SSR3: variants seen among roughly 807,000 people sequenced by gnomAD.
SSR3 encodes signal sequence receptor subunit 3.
SSR3 carries 10 observed loss-of-function variants against 22.1 expected under a neutral mutation model. The ratio of observed to expected loss-of-function variants is 0.45; its 90% CI spans 0.28 to 0.77. SSR3 has a LOEUF of 0.77. Among genes scored for constraint, SSR3 ranks in the 30% least tolerant of loss-of-function variants. The pLI is 0.13. For synonymous variants in SSR3, 104 were observed against 82.5 expected, an observed-to-expected ratio of 1.26 and a Z score of -1.42; for missense variants, 181 against 220.5, an observed-to-expected ratio of 0.82 and a Z score of 1.13.
rs1719638105 is a variant in SSR3 at position 156,543,340 on chromosome 3, T to C, written c.492-71A>G. 5 of 1,200,096 alleles carry C rather than the reference T, an allele frequency of 4.2e-6. No individual in the cohort carries two copies. The East Asian group carries it at 9.9e-5, about 24-fold the overall frequency. The allele number at this position is 1,200,096 out of a possible 1,614,324, so 74.3% of individuals were successfully genotyped here. A position where few individuals can be genotyped will look rare whatever the true frequency, so the allele number is the denominator to read the frequency against. ...GTTTTTTGAGAAAATAAAGAGCCCA[T>C]CTCTTTGGAATGTACTGCTTCCTTC... is the stretch of plus-strand genomic sequence containing the variant. On this transcript the variant is annotated intron_variant, in intron 4 of 4. Transcript: ENST00000265044.
At position 156,541,499 on chromosome 3, in the gene SSR3, T is replaced by C. The variant is rs1129107; in HGVS notation, c.*1704A>G. The C allele has an allele frequency of 6.6e-6, 1 of 152,166 alleles. No homozygotes were observed. The highest frequency in any genetic ancestry group is 1.5e-5 in the Non-Finnish European group (1 of 68,042). 9.4% of individuals were successfully genotyped at this position (152,166 alleles called of 1,614,324 possible). A position where few individuals can be genotyped will look rare whatever the true frequency, so the allele number is the denominator to read the frequency against. On this transcript the variant is annotated 3_prime_UTR_variant, in exon 5 of 5. Transcript: ENST00000265044. ...CACGATCTCGACTCACCGCAACCTC[T>C]GCCTCCTGGGTTCAGGCAGTTCTCC...
At chr3:156,551,535 A>G (rs1719955909) in intron 2 of SSR3, 1 of 152,184 alleles carries the variant, frequency 6.6e-6, no homozygotes, top group Non-Finnish European at 1.5e-5. Flanking sequence ...AAAGATAACA[A>G]AGATAACCCA....
Position 156,542,709 on chromosome 3 carries a change from T to G in SSR3, c.*494A>C, listed in dbSNP as rs1719607862. 1 of 152,952 alleles carries G rather than the reference T, an allele frequency of 6.5e-6. No homozygotes were observed. Among genetic ancestry groups the G allele is most frequent in the Non-Finnish European group, 1.5e-5 (1 of 68,528 alleles). The allele number at this position is 152,952 out of a possible 1,614,324, so 9.5% of individuals were successfully genotyped here. ...AATTAGAGAAATCATGTTTTTAATTTTGTGTTATTTCAGATCACAAATTCA... is the reference window on the plus strand; with the variant it reads ...AATTAGAGAAATCATGTTTTTAATTGTGTGTTATTTCAGATCACAAATTCA... On this transcript the variant is annotated 3_prime_UTR_variant, in exon 5 of 5. Coordinates refer to ENST00000265044, the MANE Select transcript of SSR3 (RefSeq NM_007107.5).
intron 3 of SSR3, among the ~76,000 whole-genome samples, chr3:156,547,221 A>G (rs958274876): frequency 1.3e-5 from 2 of 152,190 alleles, no homozygotes; most frequent in African/African-American, 2.4e-5. Context: ...TACCTAATCC[A>G]GCAAATGGCA....
Position 156,553,732 on chromosome 3 carries a change from C to T in SSR3, c.183G>A (p.Leu61=). 1.2e-6 allele frequency: 2 copies of T among 1,612,898 alleles called. No individual in the cohort carries two copies. Among genetic ancestry groups the T allele is most frequent in the East Asian group, 4.5e-5 (2 of 44,830 alleles). The change falls in exon 2 of 5, where the codon TTG becomes TTA. Residue 61 remains leucine (L), a synonymous_variant. Transcript: ENST00000265044. ...TGCTTACTAGGGTCATCACACTATACAAAACAGCAGACTGAATAAGATCCA... is the reference window on the plus strand; with the variant it reads ...TGCTTACTAGGGTCATCACACTATATAAAACAGCAGACTGAATAAGATCCA... The part of the protein sequence containing the change: ...WHMDLIQSAV[L]YSVMTLVSTY...
In SSR3 at chr3:156,548,952, A is replaced by G; in HGVS notation, c.312T>C (p.Leu104=). ...DAVSKEVTRK[L]SEADNRKMSR... is the part of the protein sequence containing the mutation. ...ACATCTTTCTATTATCAGCTTCAGA[A>G]AGTTTTCGAGTCACTTCTTTGGAAA... The change falls in exon 3 of 5, where the codon CTT becomes CTC. Residue 104 remains leucine, a synonymous_variant. Coordinates refer to ENST00000265044, the MANE Select transcript of SSR3 (RefSeq NM_007107.5). The G allele has an allele frequency of 6.2e-7, 1 of 1,613,476 alleles. No individual in the cohort carries two copies.
chr3:156,543,330 A>G (rs1410518130), intron 4 of SSR3, 61 bp from the exon 5 acceptor site: 4 of 1,321,756 alleles, frequency 3.0e-6, no homozygotes, highest in Non-Finnish European at 4.3e-6. Flanking sequence ...TTGAGAAAAT[A>G]AAGAGCCCAT....
chr3:156,552,269 G>A (rs985021059), intron 2 of SSR3, among the ~76,000 whole-genome samples: 6 of 147,432 alleles, frequency 4.1e-5, no homozygotes, highest in Non-Finnish European at 8.9e-5. Context: ...GGGCCACTGC[G>A]CTCTAACTTG....
At chr3:156,544,624 T>A (rs920700112) in intron 3 of SSR3, among the ~76,000 whole-genome samples, 185 bp from the exon 4 acceptor site, 4 of 152,124 alleles carry the variant, frequency 2.6e-5, no homozygotes, top group African/African-American at 9.7e-5. Flanking sequence ...AATATGTCAC[T>A]CTATGATAGT....
At chr3:156,544,877 G>A (rs569164708) in intron 3 of SSR3, among the ~76,000 whole-genome samples, 28 of 152,274 alleles carry the variant, frequency 1.8e-4, no homozygotes, top group Non-Finnish European at 2.5e-4. Context: ...ACCTTCAGAA[G>A]ACAATCCCAA....
rs1197635750 is a variant in SSR3 at position 156,543,046 on chromosome 3, C to A, written c.*157G>T. 2 of 498,956 alleles carry A rather than the reference C, an allele frequency of 4.0e-6. No individual in the cohort carries two copies. The highest frequency in any genetic ancestry group is 7.1e-6 in the Non-Finnish European group (2 of 282,002). 30.9% of individuals were successfully genotyped at this position (498,956 alleles called of 1,614,324 possible). A position where few individuals can be genotyped will look rare whatever the true frequency, so the allele number is the denominator to read the frequency against. Reference sequence around the variant, plus strand: ...TTAATTTCAACAATCTGTCAAAAAACAGCCAATAAACAAATACTGAATTAC... The same window carrying A: ...TTAATTTCAACAATCTGTCAAAAAAAAGCCAATAAACAAATACTGAATTAC... On this transcript the variant is annotated 3_prime_UTR_variant, in exon 5 of 5. Coordinates refer to ENST00000265044, the MANE Select transcript of SSR3 (RefSeq NM_007107.5).
At chr3:156,548,392 T>C (rs1041818044) in intron 3 of SSR3, among the ~76,000 whole-genome samples, 2 of 152,170 alleles carry the variant, frequency 1.3e-5, no homozygotes, top group Non-Finnish European at 1.5e-5. Flanking sequence ...GGAACAGAAA[T>C]ACCACCACAT....
intron 2 of SSR3, among the ~76,000 whole-genome samples, chr3:156,549,662 C>G (rs796113580): frequency 1.4e-4 from 22 of 152,224 alleles, no homozygotes; most frequent in African/African-American, 5.3e-4. Context: ...CTCTCTCACT[C>G]AAGAACTGAG....
chr3:156,544,556 G>T, intron 3 of SSR3, 117 bp from the exon 4 acceptor site: 2 of 737,144 alleles, frequency 2.7e-6, no homozygotes, highest in Non-Finnish European at 2.0e-6. Context: ...TCTAGGGTAA[G>T]AATGTGTTTG....
chr3:156,539,561 A>AAGAT lies in SSR3; in HGVS notation c.*3638_*3641dup, dbSNP rs1719336226. The stretch of plus-strand genomic sequence containing the variant: ...AATCAAACAGGGATAAGTCAGCGAA[A>AAGAT]AGATGATATATTGAAAATTCATGAA... On this transcript the variant is annotated 3_prime_UTR_variant, in exon 5 of 5. Transcript: ENST00000265044. 6.6e-6 allele frequency among the ~76,000 whole-genome samples: 1 copy of AAGAT among 152,218 alleles called. No individual in the cohort carries two copies. Among genetic ancestry groups the AAGAT allele is most frequent in the African/African-American group, 2.4e-5 (1 of 41,444 alleles).
intron 3 of SSR3, among the ~76,000 whole-genome samples, chr3:156,548,018 T>C (rs1281558796): frequency 6.6e-6 from 1 of 152,198 alleles, no homozygotes; most frequent in East Asian, 1.9e-4. Flanking sequence ...CCGTATTAAA[T>C]ACAGAAAATA....
At position 156,555,092 on chromosome 3, in the gene SSR3, C is replaced by G. The variant is rs746152394; in HGVS notation, c.-3G>C. ...TTGGAGCTGCCTTTAGGAGCCATGG[C>G]GGAGCTGCAGGCGAGAACAGGGAAC... On this transcript the variant is annotated 5_prime_UTR_variant, in exon 1 of 5. Transcript: ENST00000265044. 1.9e-6 allele frequency: 3 copies of G among 1,612,978 alleles called. No individual in the cohort carries two copies. Among genetic ancestry groups the G allele is most frequent in the Non-Finnish European group, 2.5e-6 (3 of 1,179,828 alleles).
chr3:156,546,830 C>CATT (rs1369573890), intron 3 of SSR3, among the ~76,000 whole-genome samples: 3 of 152,206 alleles, frequency 2.0e-5, no homozygotes, highest in African/African-American at 7.2e-5. Context: ...TAATGAATCT[C>CATT]ACATTCTCCT....
At position 156,553,725 on chromosome 3, in the gene SSR3, C is replaced by T. The variant is rs1315457463; in HGVS notation, c.190G>A (p.Val64Met). ...AAATATGTGCTTACTAGGGTCATCA[C>T]ACTATACAAAACAGCAGACTGAATA... ...DLIQSAVLYS[V>M]MTLVSTYLVA... The change falls in exon 2 of 5, where the codon GTG (valine) becomes ATG (methionine). Residue 64 changes from valine to methionine, a missense_variant. Physicochemically the swap from Val to Met is conservative, Grantham distance 21. Coordinates refer to ENST00000265044, the MANE Select transcript of SSR3 (RefSeq NM_007107.5). The T allele has an allele frequency of 6.2e-7, 1 of 1,613,040 alleles. No individual in the cohort carries two copies. Among genetic ancestry groups the T allele is most frequent in the South Asian group, 1.1e-5 (1 of 90,968 alleles).
Sources: allele counts gnomAD v4.1 joint callset (sites outside exome capture counted in the v4.1 genomes callset), GRCh38; gene constraint gnomAD v4.1.1; transcripts MANE v1.5; gene names NCBI Gene and HGNC (gene_info 2026-07-23, HGNC 2026-07-21).